Variants in TSPAN7 observed in about 807,000 individuals in gnomAD.
TSPAN7 encodes tetraspanin 7, also known as tetraspanin-7.
In TSPAN7, 1 loss-of-function variant was observed where a neutral mutation model predicts 17.6. The observed-to-expected ratio is 0.06, with a 90% confidence interval of 0.02 to 0.27. The LOEUF is 0.27. TSPAN7 is among the 10% of genes least tolerant of loss of function. The probability of loss-of-function intolerance (pLI) is 1.00; values close to 1 mark genes in which losing one functional copy is unlikely to be tolerated. For synonymous variants in TSPAN7, 78 were observed against 79.0 expected (o/e 0.99, Z 0.07); for missense variants, 112 against 201.7 (o/e 0.56, Z 2.69).
chrX:38,563,965 G>C (rs1375421772), intron 1 of TSPAN7, among the ~76,000 whole-genome samples: 1 of 111,823 alleles, frequency 8.9e-6, no homozygotes, highest in Non-Finnish European at 1.9e-5. Flanking sequence ...ACGATTCAGT[G>C]AGTTTTAGTA....
At chrX:38,669,066 T>C (rs777753756) in intron 2 of TSPAN7, among the ~76,000 whole-genome samples, 1 of 111,216 alleles carries the variant, frequency 9.0e-6, no homozygotes, top group South Asian at 3.8e-4. Flanking sequence ...GTTAATGTAT[T>C]ACATATTTAG....
At chrX:38,682,911 G>T (rs2069901568) in intron 6 of TSPAN7, among the ~76,000 whole-genome samples, 1 of 112,191 alleles carries the variant, frequency 8.9e-6, no homozygotes, top group South Asian at 3.7e-4. Context: ...GCACTTGACA[G>T]CCTTGAACAT....
chrX:38,677,980 C>T (rs2069865325), intron 5 of TSPAN7, among the ~76,000 whole-genome samples: 1 of 112,320 alleles, frequency 8.9e-6, no homozygotes, highest in Non-Finnish European at 1.9e-5. Context: ...CCTGTGGTGT[C>T]TTGGACCCTG....
intron 1 of TSPAN7, among the ~76,000 whole-genome samples, chrX:38,633,699 C>A (rs764057781): frequency 7.1e-5 from 8 of 112,253 alleles, no homozygotes; most frequent in Non-Finnish European, 1.3e-4. Flanking sequence ...GGTTTCACAG[C>A]TAACTGAGCA....
intron 1 of TSPAN7, among the ~76,000 whole-genome samples, chrX:38,648,960 T>C (rs184814302): frequency 1.8e-5 from 2 of 111,396 alleles, no homozygotes; most frequent in Non-Finnish European, 3.8e-5. Context: ...AATATTATGT[T>C]ATTCCTGTTA....
chrX:38,592,219 G>T (rs890166831), intron 1 of TSPAN7, among the ~76,000 whole-genome samples: 5 of 111,508 alleles, frequency 4.5e-5, no homozygotes, highest in African/African-American at 1.6e-4. Context: ...CATGAGATTT[G>T]GGTGGGGACA....
chrX:38,572,004 G>A (rs2069171657), intron 1 of TSPAN7, among the ~76,000 whole-genome samples: 1 of 107,380 alleles, frequency 9.3e-6, no homozygotes, highest in African/African-American at 3.7e-5. Flanking sequence ...TCCTTAGGGG[G>A]AATCTATTTT....
intron 4 of TSPAN7, 72 bp from the exon 5 acceptor site, chrX:38,675,633 T>C: frequency 2.6e-6 from 3 of 1,160,108 alleles, no homozygotes; most frequent in Non-Finnish European, 3.5e-6. Flanking sequence ...CTTATAAAAG[T>C]CACAAGGCAG....
At chrX:38,607,862 GA>G (rs75062367) in intron 1 of TSPAN7, among the ~76,000 whole-genome samples, 4,779 of 83,263 alleles carry the variant, frequency 0.057, 288 homozygotes, top group African/African-American at 0.18. Context: ...TAGCCTTGAG[GA>G]AAAAAAAAAA....
At chrX:38,580,671 G>C (rs1434012170) in intron 1 of TSPAN7, among the ~76,000 whole-genome samples, 1 of 112,041 alleles carries the variant, frequency 8.9e-6, no homozygotes, top group African/African-American at 3.2e-5. Context: ...GTCAAGGATA[G>C]TACTAAGCAC....
At chrX:38,641,889 AT>A (rs2069614110) in intron 1 of TSPAN7, among the ~76,000 whole-genome samples, 1 of 111,346 alleles carries the variant, frequency 9.0e-6, no homozygotes, top group African/African-American at 3.3e-5. Flanking sequence ...TCCTCTTACC[AT>A]TTTTTCTCAG....
At position 38,674,333 on chromosome X, in the gene TSPAN7, A is replaced by T. The variant is rs747855104; in HGVS notation, c.441+17A>T. On this transcript the variant is annotated intron_variant, in intron 4 of 7. Coordinates refer to ENST00000378482, the MANE Select transcript of TSPAN7 (RefSeq NM_004615.4). ...CAGCGCAGCGTAAGTTCCAGAGGAG[A>T]TGAGGGTGTGAACTAACTATGAAGT... 3 of 1,158,753 alleles carry T rather than the reference A, an allele frequency of 2.6e-6. No individual in the cohort carries two copies. The highest frequency in any genetic ancestry group is 4.9e-5 in the Admixed American group (2 of 40,433).
intron 1 of TSPAN7, among the ~76,000 whole-genome samples, chrX:38,663,856 C>G (rs2069765384): frequency 8.9e-6 from 1 of 112,229 alleles, no homozygotes; most frequent in Admixed American, 9.5e-5. Context: ...ACTTGATTAG[C>G]AGTATACATT....
rs200185717 is a variant in TSPAN7, at chrX:38,687,556, G to A, written c.682-43G>A. The stretch of plus-strand genomic sequence containing the variant: ...ATTAAATATTAAAAGGGTGTGGTTC[G>A]GTGACTTGAGATTCTCATTTTCGTT... On this transcript the variant is annotated intron_variant, in intron 6 of 7. Transcript: ENST00000378482. 64 of 1,154,334 alleles carry A rather than the reference G, an allele frequency of 5.5e-5. No individual in the cohort carries two copies. In the East Asian group the frequency reaches 1.4e-3, roughly 25 times the overall value.
intron 1 of TSPAN7, among the ~76,000 whole-genome samples, chrX:38,610,863 A>G (rs766451144): frequency 8.9e-6 from 1 of 112,425 alleles, no homozygotes; most frequent in South Asian, 3.7e-4. Context: ...CAAGGTATAA[A>G]TCCATTGGTG....
intron 1 of TSPAN7, among the ~76,000 whole-genome samples, chrX:38,653,195 A>T (rs1379620877): frequency 2.7e-5 from 3 of 111,972 alleles, no homozygotes; most frequent in Non-Finnish European, 1.9e-5. Context: ...GATGAAGCGT[A>T]TAAGGAGCAC....
intron 1 of TSPAN7, among the ~76,000 whole-genome samples, 190 bp downstream of exon 1, chrX:38,561,817 C>CT (rs1272972721): frequency 9.0e-6 from 1 of 111,276 alleles, no homozygotes; most frequent in African/African-American, 3.3e-5. Context: ...TGCTGGAACC[C>CT]TAGACCTCGC....
At chrX:38,589,966 G>T (rs1435198690) in intron 1 of TSPAN7, among the ~76,000 whole-genome samples, 1 of 112,629 alleles carries the variant, frequency 8.9e-6, no homozygotes, top group African/African-American at 3.2e-5. Context: ...TAATTCTAAG[G>T]TATTGTGACT....
chrX:38,561,552 A>G lies in TSPAN7; in HGVS notation c.6A>G (p.Ala2=), dbSNP rs749869776. Reference sequence around the variant, plus strand: ...CGCCGCCGGAGCTCTGTAGTATGGCATCGAGGAGAATGGAGACCAAACCTG... The same window carrying G: ...CGCCGCCGGAGCTCTGTAGTATGGCGTCGAGGAGAATGGAGACCAAACCTG... M[A]SRRMETKPVI... is the part of the protein sequence containing the mutation. Residue 2 remains alanine (A), a synonymous_variant, in exon 1 of 8, where the codon GCA becomes GCG. Coordinates refer to ENST00000378482, the MANE Select transcript of TSPAN7 (RefSeq NM_004615.4). The G allele has an allele frequency of 8.4e-7, 1 of 1,191,083 alleles. No homozygotes were observed. The highest frequency in any genetic ancestry group is 1.8e-5 in the South Asian group (1 of 56,255).
Sources: gnomAD v4.1 joint callset for allele counts (sites outside exome capture counted in the v4.1 genomes callset) on GRCh38, gnomAD v4.1.1 for gene constraint, MANE v1.5 for transcripts, NCBI Gene and HGNC (gene_info 2026-07-23, HGNC 2026-07-21) for gene names.